Variants in INTS8 observed in about 807,000 individuals in gnomAD.
The protein encoded by INTS8 is integrator complex subunit 8.
INTS8 carries 47 observed loss-of-function variants against 138.9 expected under a neutral mutation model. The ratio of observed to expected loss-of-function variants is 0.34; its 90% CI spans 0.27 to 0.43. The LOEUF is 0.43. Ranked by LOEUF, INTS8 falls within the 20% of genes least tolerant of loss-of-function variation. The pLI, the probability that INTS8 is intolerant of heterozygous loss-of-function variation, is 1.00. For synonymous variants in INTS8, 392 were observed against 400.9 expected (o/e 0.98, Z 0.27); for missense variants, 996 against 1,173.0 (o/e 0.85, Z 2.20).
chr8:94,827,647 T>C (rs1254475556), intron 3 of INTS8, 75 bp from the exon 4 acceptor site: 2 of 1,251,190 alleles, frequency 1.6e-6, no homozygotes, highest in African/African-American at 1.5e-5. Context: ...TATACAAACC[T>C]AAGGAGTACT....
intron 13 of INTS8, among the ~76,000 whole-genome samples, chr8:94,852,757 T>C (rs1221283508): frequency 6.6e-6 from 1 of 151,938 alleles, no homozygotes; most frequent in Non-Finnish European, 1.5e-5. Context: ...GCCTGATGAA[T>C]TTTGTATTTT....
At chr8:94,866,943 G>T (rs1816198674) in intron 18 of INTS8, 197 bp from the exon 19 acceptor site, 7 of 511,628 alleles carry the variant, frequency 1.4e-5, no homozygotes, top group Non-Finnish European at 1.8e-5. Context: ...TGTAAATTAT[G>T]TGCTATGGTC....
chr8:94,849,058 T>C (rs537000350), intron 10 of INTS8, among the ~76,000 whole-genome samples: 2 of 152,170 alleles, frequency 1.3e-5, no homozygotes, highest in Non-Finnish European at 1.5e-5. Context: ...TCTATATTCA[T>C]GATAAATCAC....
In INTS8 at chr8:94,867,256, C is replaced by CT. The variant is rs761649709; in HGVS notation, c.2353-11dup. On this transcript the variant is annotated intron_variant, in intron 19 of 26. Transcript: ENST00000523731. ...AAAGAAATTTCTTTGTAAATCACACCTTTTTTTTTCTTTTTAAAGGAGGAC... is the reference window on the plus strand; with the variant it reads ...AAAGAAATTTCTTTGTAAATCACACCTTTTTTTTTTCTTTTTAAAGGAGGAC... The CT allele has an allele frequency of 7.9e-4, 1,241 of 1,574,116 alleles. No individual in the cohort carries two copies. The highest frequency in any genetic ancestry group is 9.7e-4 in the Non-Finnish European group (1,115 of 1,152,954).
At chr8:94,831,140 A>C (rs895503088) in intron 5 of INTS8, among the ~76,000 whole-genome samples, 1 of 144,456 alleles carries the variant, frequency 6.9e-6, no homozygotes, top group Non-Finnish European at 1.5e-5. Flanking sequence ...TTTAGACAGA[A>C]TATTACTCTG....
At chr8:94,828,352 T>A (rs1186071380) in intron 4 of INTS8, among the ~76,000 whole-genome samples, 1 of 152,228 alleles carries the variant, frequency 6.6e-6, no homozygotes, top group African/African-American at 2.4e-5. Flanking sequence ...GATATTTTTT[T>A]CATTTAATTA....
intron 8 of INTS8, among the ~76,000 whole-genome samples, chr8:94,841,181 G>T (rs190057929): frequency 6.6e-6 from 1 of 152,244 alleles, no homozygotes; most frequent in East Asian, 1.9e-4. Context: ...AAAGTGCTCA[G>T]ATTACAAGCG....
intron 16 of INTS8, among the ~76,000 whole-genome samples, chr8:94,861,678 G>A (rs1162884171): frequency 2.0e-5 from 3 of 151,046 alleles, no homozygotes; most frequent in East Asian, 2.0e-4. Flanking sequence ...TCAGCCCCCC[G>A]AGTAGCTGGG....
intron 26 of INTS8, among the ~76,000 whole-genome samples, chr8:94,879,242 C>A (rs950411442): frequency 3.3e-5 from 5 of 152,176 alleles, no homozygotes; most frequent in Non-Finnish European, 7.3e-5. Flanking sequence ...CCATACCTGA[C>A]GATCATATCT....
intron 10 of INTS8, among the ~76,000 whole-genome samples, chr8:94,844,000 CTT>C (rs770111588): frequency 2.6e-4 from 33 of 126,612 alleles, no homozygotes; most frequent in African/African-American, 8.0e-4. Context: ...TGTTATGCCT[CTT>C]TTTTTTTTTG....
In INTS8 at chr8:94,842,498, GT is replaced by G; in HGVS notation, c.1260+15del. On this transcript the variant is annotated intron_variant, in intron 10 of 26. Coordinates refer to ENST00000523731, the MANE Select transcript of INTS8 (RefSeq NM_017864.4). ...AGACTTTCTTCTTGAGGTATGACAT[GT>G]TTTTCTTTCCCCTTTTGATTTATAA... The G allele has an allele frequency of 6.3e-7, 1 of 1,587,564 alleles. No individual in the cohort carries two copies. The highest frequency in any genetic ancestry group is 1.1e-5 in the South Asian group (1 of 87,464).
chr8:94,849,550 CTTTTTTCTTTTT>C lies in INTS8; in HGVS notation c.1331+25_1331+36del. 7.3e-7 allele frequency: 1 copy of C among 1,375,934 alleles called. No individual in the cohort carries two copies. The highest frequency in any genetic ancestry group is 1.0e-6 in the Non-Finnish European group (1 of 997,052). The allele number at this position is 1,375,934 out of a possible 1,614,324, so 85.2% of individuals were successfully genotyped here. A position where few individuals can be genotyped will look rare whatever the true frequency, so the allele number is the denominator to read the frequency against. ...TTTCTAAAGTAAGTACCTTTCTTTT[CTTTTTTCTTTTT>C]TTTTTTAACTTTGAACTTAGTCCTG... On this transcript the variant is annotated intron_variant, in intron 11 of 26. Coordinates refer to ENST00000523731, the MANE Select transcript of INTS8 (RefSeq NM_017864.4).
At chr8:94,827,155 G>C in intron 2 of INTS8, 108 bp from the exon 3 acceptor site, 1 of 952,394 alleles carries the variant, frequency 1.0e-6, no homozygotes, top group African/African-American at 1.6e-5. Flanking sequence ...ACCCAGAGAT[G>C]TGGTTCCTTA....
intron 16 of INTS8, among the ~76,000 whole-genome samples, chr8:94,860,599 A>C (rs111699126): frequency 3.3e-3 from 493 of 150,502 alleles, no homozygotes; most frequent in African/African-American, 0.011. Context: ...AAAAAAAAAA[A>C]AAAAACCCAA....
rs1208231992 is a variant in INTS8, at chr8:94,842,242, A to T, written c.1119-105A>T. 1.1e-5 allele frequency: 7 copies of T among 646,464 alleles called. No homozygotes were observed. In the East Asian group the frequency reaches 2.0e-4, roughly 19 times the overall value. 40.0% of individuals were successfully genotyped at this position (646,464 alleles called of 1,614,324 possible). A position where few individuals can be genotyped will look rare whatever the true frequency, so the allele number is the denominator to read the frequency against. ...GTATGCTTGAATATTCTAAAATCTT[A>T]CCTCTTAAGAATAAATGGCTCATTC... On this transcript the variant is annotated intron_variant, in intron 9 of 26. Coordinates refer to ENST00000523731, the MANE Select transcript of INTS8 (RefSeq NM_017864.4).
At chr8:94,845,873 A>T (rs2131023023) in intron 10 of INTS8, among the ~76,000 whole-genome samples, 1 of 152,290 alleles carries the variant, frequency 6.6e-6, no homozygotes, top group East Asian at 1.9e-4. Context: ...GAAAGAAATT[A>T]TGTCTCTTTT....
At chr8:94,875,512 A>T (rs1356544163) in intron 23 of INTS8, among the ~76,000 whole-genome samples, 2 of 152,138 alleles carry the variant, frequency 1.3e-5, no homozygotes, top group East Asian at 3.8e-4. Flanking sequence ...TTTTGGGGGA[A>T]GTAATGAAAA....
Position 94,859,540 on chromosome 8 carries a change from G to A in INTS8, c.1984G>A (p.Glu662Lys). ...DIPLRQVIAE[E>K]CVAFMLNWRE... Reference sequence around the variant, plus strand: ...TCCTCTTCGTCAAGTTATAGCTGAGGAATGTGTTGCCTTTATGTTAAACTG... The same window carrying A: ...TCCTCTTCGTCAAGTTATAGCTGAGAAATGTGTTGCCTTTATGTTAAACTG... The change falls in exon 16 of 27, where the codon GAA becomes AAA. Residue 662 changes from glutamate to lysine, a missense_variant. Physicochemically the swap from Glu to Lys is moderately conservative, Grantham distance 56 (BLOSUM62 1). Coordinates refer to ENST00000523731, the MANE Select transcript of INTS8 (RefSeq NM_017864.4). The A allele has an allele frequency of 6.2e-7, 1 of 1,613,260 alleles. No homozygotes were observed. The highest frequency in any genetic ancestry group is 8.5e-7 in the Non-Finnish European group (1 of 1,179,324).
At position 94,879,877 on chromosome 8, in the gene INTS8, T is replaced by C; in HGVS notation, c.2872-241T>C. On this transcript the variant is annotated intron_variant, in intron 26 of 26. Coordinates refer to ENST00000523731, the MANE Select transcript of INTS8 (RefSeq NM_017864.4). ...TAAATTTACATGAATTTACTTAATA[T>C]ATTAAAATGCCACTTAAGTAATTCC... is the stretch of plus-strand genomic sequence containing the variant. The C allele has an allele frequency of 1.4e-5, 4 of 279,954 alleles. No individual in the cohort carries two copies. In the Admixed American group the frequency reaches 2.1e-4, roughly 15 times the overall value. 17.3% of individuals were successfully genotyped at this position (279,954 alleles called of 1,614,324 possible). A position where few individuals can be genotyped will look rare whatever the true frequency, so the allele number is the denominator to read the frequency against.
Sources: allele counts gnomAD v4.1 joint callset (sites outside exome capture counted in the v4.1 genomes callset), GRCh38; gene constraint gnomAD v4.1.1; transcripts MANE v1.5; gene names NCBI Gene and HGNC (gene_info 2026-07-23, HGNC 2026-07-21).